The following CR1L variants were observed in gnomAD, a reference collection of about 807,000 sequenced individuals.
The protein encoded by CR1L is complement C3b/C4b receptor 1 like.
A neutral mutation model predicts 62.3 loss-of-function variants in CR1L; 59 were observed. The observed-to-expected ratio is 0.95, with a 90% CI of 0.77 to 1.18. The LOEUF (loss-of-function observed/expected upper bound fraction) is 1.18, where lower values mean the gene tolerates loss of function less well. Among genes scored for constraint, CR1L ranks in the 50% most tolerant of loss-of-function variants. CR1L has a pLI of 0.00. For missense variants in CR1L, 700 were observed against 702.8 expected (o/e 1.00, Z 0.04); for synonymous variants, 279 against 248.7 (o/e 1.12, Z -1.15).
intron 5 of CR1L, among the ~76,000 whole-genome samples, chr1:207,696,387 A>C (rs112430120): frequency 0.082 from 12,510 of 152,294 alleles, 735 homozygotes; most frequent in African/African-American, 0.16. Context: ...CTCCAACTGG[A>C]AGAACCTAAC....
chr1:207,669,696 T>C, intron 1 of CR1L: 4 of 579,664 alleles, frequency 6.9e-6, no homozygotes, highest in Non-Finnish European at 1.2e-5. Context: ...ATGGGTGGGC[T>C]GAGCGCGCTA....
chr1:207,670,489 GT>G, intron 1 of CR1L, among the ~76,000 whole-genome samples: 1 of 150,920 alleles, frequency 6.6e-6, no homozygotes, highest in East Asian at 1.9e-4. Flanking sequence ...TCTATTATTA[GT>G]TTTGGGCTCC....
intron 1 of CR1L, among the ~76,000 whole-genome samples, chr1:207,672,358 G>T (rs1663627013): frequency 6.7e-6 from 1 of 150,336 alleles, no homozygotes; most frequent in African/African-American, 2.5e-5. Flanking sequence ...GTATCCATCT[G>T]ACAGAGAAAC....
chr1:207,723,504 AT>A, intron 11 of CR1L, 113 bp from the exon 12 acceptor site: 1 of 855,102 alleles, frequency 1.2e-6, no homozygotes, highest in Non-Finnish European at 1.8e-6. Flanking sequence ...TTTATAAAAA[AT>A]ATTAGTCTGA....
rs1663523605 is a variant in CR1L, at chr1:207,666,353, C to T, written c.98-11036C>T. On this transcript the variant is annotated intron_variant, in intron 1 of 11. Coordinates refer to ENST00000508064, the MANE Select transcript of CR1L (RefSeq NM_175710.2). ...CAAAAAACAGCTCTGAGAAGGGATT[C>T]ATAATTCTGACCAGCCAGGCAAAGG... Among the ~76,000 whole-genome samples, 3 of 152,302 alleles carry T rather than the reference C, an allele frequency of 2.0e-5. No homozygotes were observed. In the East Asian group the frequency reaches 5.8e-4, roughly 29 times the overall value.
At chr1:207,648,509 G>C (rs1370242456) in intron 1 of CR1L, among the ~76,000 whole-genome samples, 1 of 152,178 alleles carries the variant, frequency 6.6e-6, no homozygotes, top group Non-Finnish European at 1.5e-5. Flanking sequence ...ATAAGGTTTT[G>C]TAAGCAGGTG....
rs1354874993 is a variant in CR1L at position 207,697,609 on chromosome 1, C to A, written c.969C>A (p.Asp323Glu). 2 of 1,613,960 alleles carry A rather than the reference C, an allele frequency of 1.2e-6. No individual in the cohort carries two copies. The highest frequency in any genetic ancestry group is 1.7e-4 in the Middle Eastern group (1 of 6,060). ...TCTACAGCTGTGAGCCCGGCTACGA[C>A]CTCAGAGGATCTACGTATTTGCACT... Reference protein sequence around the residue: ...EVFYSCEPGYDLRGSTYLHCT... With the variant: ...EVFYSCEPGYELRGSTYLHCT... Residue 323 changes from aspartate to glutamate, a missense_variant, in exon 6 of 12, where the codon GAC becomes GAA. Asp to Glu is a conservative substitution (Grantham distance 45). Transcript: ENST00000508064.
chr1:207,657,387 T>C (rs1017391573), intron 1 of CR1L: 8 of 685,790 alleles, frequency 1.2e-5, no homozygotes, highest in Non-Finnish European at 1.8e-5. Context: ...AATAGTTTTA[T>C]CTACAAATAA....
At chr1:207,700,978 G>A (rs1311334570) in intron 8 of CR1L, among the ~76,000 whole-genome samples, 1 of 152,178 alleles carries the variant, frequency 6.6e-6, no homozygotes, top group African/African-American at 2.4e-5. Flanking sequence ...TTTCAATTGT[G>A]GGATAAGAGA....
chr1:207,701,604 T>C lies in CR1L; in HGVS notation c.1314T>C (p.Tyr438=), dbSNP rs1314468819. The change falls in exon 9 of 12, where the codon TAT becomes TAC. Residue 438 remains tyrosine, a synonymous_variant. Transcript: ENST00000508064. ...TDIHVGSRIN[Y]SCTTGHRLIG... ...TCCATGTTGGATCCAGAATCAACTA[T>C]TCTTGTACTACAGGGTGAGTTGGCA... The C allele has an allele frequency of 6.2e-7, 1 of 1,613,688 alleles. No homozygotes were observed. Among genetic ancestry groups the C allele is most frequent in the East Asian group, 2.2e-5 (1 of 44,890 alleles).
chr1:207,719,002 A>G (rs375380197), intron 11 of CR1L, among the ~76,000 whole-genome samples: 58 of 148,006 alleles, frequency 3.9e-4, no homozygotes, highest in African/African-American at 1.2e-3. Context: ...GTAAACTATC[A>G]CAAGAACAAA....
At chr1:207,706,082 A>G (rs1664263584) in intron 9 of CR1L, among the ~76,000 whole-genome samples, 1 of 150,108 alleles carries the variant, frequency 6.7e-6, no homozygotes, top group Non-Finnish European at 1.5e-5. Flanking sequence ...AGCAAAGAGT[A>G]AGAAGAGTTA....
intron 9 of CR1L, 100 bp downstream of exon 9, chr1:207,701,718 C>G (rs1664195611): frequency 6.7e-7 from 1 of 1,482,718 alleles, no homozygotes; most frequent in Non-Finnish European, 9.4e-7. Context: ...GCCACCTGCT[C>G]TTGAGAGGTT....
chr1:207,671,956 A>T (rs559379810), intron 1 of CR1L, among the ~76,000 whole-genome samples: 1 of 151,004 alleles, frequency 6.6e-6, no homozygotes, highest in African/African-American at 2.5e-5. Context: ...GGTCAGGAAA[A>T]GAATGCAAGA....
intron 4 of CR1L, among the ~76,000 whole-genome samples, chr1:207,686,028 C>T (rs1388874205): frequency 8.7e-5 from 13 of 149,916 alleles, no homozygotes; most frequent in Admixed American, 8.0e-4. Context: ...TCCCTCCTTC[C>T]CTTCTGCCTG....
intron 9 of CR1L, among the ~76,000 whole-genome samples, chr1:207,704,502 T>C (rs1571530780): frequency 6.6e-6 from 1 of 152,200 alleles, no homozygotes; most frequent in East Asian, 1.9e-4. Flanking sequence ...GGGTAAAATG[T>C]TATCAAACAG....
intron 1 of CR1L, among the ~76,000 whole-genome samples, chr1:207,652,339 C>T (rs1345072107): frequency 6.6e-6 from 1 of 152,202 alleles, no homozygotes; most frequent in Non-Finnish European, 1.5e-5. Context: ...CCCAAACAAA[C>T]CAAAAGCTAA....
At chr1:207,693,320 G>T (rs368450820) in intron 4 of CR1L, among the ~76,000 whole-genome samples, 3 of 152,148 alleles carry the variant, frequency 2.0e-5, no homozygotes, top group Non-Finnish European at 2.9e-5. Context: ...GTTTCAACAT[G>T]TTGGCCAGGC....
rs1490067634 is a variant in CR1L, at chr1:207,710,736, T to G, written c.1414+2473T>G. ...AAAGGACCCCCCGCACCGTGTGCAA[T>G]GCCAGGCCCTGAACAAATGGGAGCC... is the stretch of plus-strand genomic sequence containing the variant. On this transcript the variant is annotated intron_variant, in intron 10 of 11. Coordinates refer to ENST00000508064, the MANE Select transcript of CR1L (RefSeq NM_175710.2). The G allele has an allele frequency of 2.5e-6, 4 of 1,609,420 alleles. No individual in the cohort carries two copies. In the South Asian group the frequency reaches 3.3e-5, roughly 13 times the overall value.
Sources: gnomAD v4.1 joint callset for allele counts (sites outside exome capture counted in the v4.1 genomes callset) on GRCh38, gnomAD v4.1.1 for gene constraint, MANE v1.5 for transcripts, NCBI Gene and HGNC (gene_info 2026-07-23, HGNC 2026-07-21) for gene names.